The following DCLRE1C variants were observed in gnomAD, a reference collection of about 807,000 sequenced individuals.
The protein encoded by DCLRE1C is DNA cross-link repair 1C.
A neutral mutation model predicts 61.4 loss-of-function variants in DCLRE1C; 47 were observed. That is an observed-to-expected ratio of 0.77 (90% CI 0.61 to 0.98). The LOEUF (loss-of-function observed/expected upper bound fraction) is 0.98. Among genes scored for constraint, DCLRE1C ranks in the 50% least tolerant of loss-of-function variants. The pLI is 0.00. For missense variants in DCLRE1C, 858 were observed against 816.0 expected (o/e 1.05, Z -0.63); for synonymous variants, 337 against 287.6 (o/e 1.17, Z -1.74).
chr10:14,937,919 A>G (rs1035621211), intron 4 of DCLRE1C, among the ~76,000 whole-genome samples: 5 of 146,344 alleles, frequency 3.4e-5, no homozygotes, highest in African/African-American at 1.3e-4. Flanking sequence ...AAAAAAAAAG[A>G]TTAAAGCCTG....
intron 3 of DCLRE1C, among the ~76,000 whole-genome samples, chr10:14,940,585 G>T (rs1356217731): frequency 6.6e-6 from 1 of 152,030 alleles, no homozygotes; most frequent in Non-Finnish European, 1.5e-5. Context: ...ACCACACCCA[G>T]CCTCATGCAC....
intron 3 of DCLRE1C, among the ~76,000 whole-genome samples, chr10:14,941,131 G>T (rs1402490930): frequency 3.3e-5 from 5 of 152,202 alleles, no homozygotes; most frequent in Non-Finnish European, 7.3e-5. Flanking sequence ...CTCCACCTCA[G>T]CCTCCCAAAG....
intron 10 of DCLRE1C, 21 bp from the exon 11 acceptor site, chr10:14,926,918 A>C: frequency 1.2e-6 from 2 of 1,609,254 alleles, no homozygotes; most frequent in Non-Finnish European, 1.7e-6. Flanking sequence ...GTGAAAACAC[A>C]AAATAAAAAG....
At chr10:14,915,220 TA>T (rs769974609) in intron 13 of DCLRE1C, among the ~76,000 whole-genome samples, 2 of 152,066 alleles carry the variant, frequency 1.3e-5, no homozygotes, top group African/African-American at 2.4e-5. Flanking sequence ...TCAGCTTCCA[TA>T]TTAAGAAACT....
intron 3 of DCLRE1C, among the ~76,000 whole-genome samples, chr10:14,941,065 A>C (rs1217215971): frequency 2.6e-5 from 4 of 152,084 alleles, no homozygotes; most frequent in African/African-American, 9.7e-5. Context: ...TGTAGCAGAG[A>C]TGGGGTTTCA....
intron 10 of DCLRE1C, 93 bp from the exon 11 acceptor site, chr10:14,926,990 GAAACCACTCT>G: frequency 9.8e-7 from 1 of 1,021,066 alleles, no homozygotes; most frequent in Middle Eastern, 2.7e-4. Flanking sequence ...ATTCTAGCAT[GAAACCACTCT>G]AATGGGCTCG....
At chr10:14,904,611 T>G (rs1834242283), downstream of DCLRE1C, among the ~76,000 whole-genome samples, 1 of 152,160 alleles carries the variant, frequency 6.6e-6, no homozygotes, top group East Asian at 1.9e-4. Context: ...TCAGTAAACA[T>G]GTAGTTTTGT....
At chr10:14,910,409 T>C (rs1835057228) in intron 13 of DCLRE1C, among the ~76,000 whole-genome samples, 1 of 152,178 alleles carries the variant, frequency 6.6e-6, no homozygotes, top group Non-Finnish European at 1.5e-5. Context: ...TTTTGAGTTT[T>C]ATACAGTCAC....
chr10:14,938,364 A>G (rs1221370491), intron 4 of DCLRE1C, among the ~76,000 whole-genome samples: 1 of 151,846 alleles, frequency 6.6e-6, no homozygotes, highest in African/African-American at 2.4e-5. Context: ...TTCCTTTTTA[A>G]TCCTCACTAA....
chr10:14,950,374 A>AAAC, intron 1 of DCLRE1C, among the ~76,000 whole-genome samples: 1 of 151,686 alleles, frequency 6.6e-6, no homozygotes, highest in Non-Finnish European at 1.5e-5. Context: ...AAAAAAAAAA[A>AAAC]AACAAGAACA....
intron 10 of DCLRE1C, among the ~76,000 whole-genome samples, chr10:14,927,341 C>T (rs916075603): frequency 2.8e-5 from 4 of 144,790 alleles, no homozygotes; most frequent in African/African-American, 5.1e-5. Context: ...GCTGAGATCA[C>T]ACCACTTCAC....
intron 1 of DCLRE1C, among the ~76,000 whole-genome samples, chr10:14,952,125 G>T (rs1335562906): frequency 6.6e-6 from 1 of 152,162 alleles, no homozygotes; most frequent in African/African-American, 2.4e-5. Flanking sequence ...AATTCCTTTA[G>T]ATTTATTATT....
chr10:14,947,514 A>T (rs1236637273), intron 2 of DCLRE1C: 2 of 152,290 alleles, frequency 1.3e-5, no homozygotes, highest in Non-Finnish European at 2.9e-5. Context: ...AGGCTCTGCA[A>T]TCAGACAGAC....
chr10:14,949,531 G>A (rs985090684), intron 1 of DCLRE1C, among the ~76,000 whole-genome samples: 14 of 152,230 alleles, frequency 9.2e-5, no homozygotes, highest in African/African-American at 3.1e-4. Flanking sequence ...CAGGTTCAGA[G>A]TAAGTGTTTC....
At chr10:14,900,934 A>G (rs1833965715), downstream of DCLRE1C, among the ~76,000 whole-genome samples, 1 of 152,158 alleles carries the variant, frequency 6.6e-6, no homozygotes, top group Non-Finnish European at 1.5e-5. Context: ...TATTTTCTCT[A>G]TTTTATACTT....
intron 8 of DCLRE1C, among the ~76,000 whole-genome samples, chr10:14,934,118 A>T (rs892505632): frequency 4.6e-5 from 7 of 152,096 alleles, no homozygotes; most frequent in Non-Finnish European, 8.8e-5. Flanking sequence ...GCTTGAGGTC[A>T]GGAGTTCAAG....
intron 13 of DCLRE1C, among the ~76,000 whole-genome samples, chr10:14,917,897 A>G (rs947711517): frequency 1.3e-5 from 2 of 152,214 alleles, no homozygotes; most frequent in African/African-American, 4.8e-5. Flanking sequence ...GATGGCAAAT[A>G]CGCACATTAA....
chr10:14,945,817 C>T (rs1226622195), intron 2 of DCLRE1C, among the ~76,000 whole-genome samples: 1 of 151,304 alleles, frequency 6.6e-6, no homozygotes, highest in African/African-American at 2.4e-5. Flanking sequence ...CGCCATGATG[C>T]CGGACTAATT....
rs2130851538 is a variant in DCLRE1C, at chr10:14,928,027, A to G, written c.906T>C (p.Asn302=). ...MWFGERSRKT[N]VIVRTGESSY... ...TATTGCTCTCTTACCTCACAATTAC[A>G]TTTGTTTTTCTGCTCCTTTCTCCAA... Residue 302 remains asparagine, a synonymous_variant, in exon 10 of 14, where the codon AAT becomes AAC. Transcript: ENST00000378278. 1.9e-6 allele frequency: 3 copies of G among 1,613,828 alleles called. No homozygotes were observed. The highest frequency in any genetic ancestry group is 2.5e-6 in the Non-Finnish European group (3 of 1,179,892).
Sources: allele counts gnomAD v4.1 joint callset (sites outside exome capture counted in the v4.1 genomes callset), GRCh38; gene constraint gnomAD v4.1.1; transcripts MANE v1.5; gene names NCBI Gene and HGNC (gene_info 2026-07-23, HGNC 2026-07-21).